The following TCF20 variants were observed in gnomAD, a reference collection of about 807,000 sequenced individuals.
TCF20 encodes SPRE-binding protein.
TCF20 carries 3 observed loss-of-function variants against 148.6 expected under a neutral mutation model. The observed-to-expected ratio is 0.02, with a 90% CI of 0.01 to 0.05. The LOEUF (loss-of-function observed/expected upper bound fraction) is 0.05. TCF20 is among the 10% of genes least tolerant of loss of function. The pLI, the probability that TCF20 is intolerant of heterozygous loss-of-function variation, is 1.00. For synonymous variants in TCF20, 1,049 were observed against 909.5 expected (o/e 1.15, Z -2.76); for missense variants, 2,350 against 2,429.3 (o/e 0.97, Z 0.69).
rs574582405 is a variant in TCF20 at position 42,299,986 on chromosome 22, G to A, written c.-37+43493C>T. Among the ~76,000 whole-genome samples, 11 of 151,180 alleles carry A rather than the reference G, an allele frequency of 7.3e-5. No individual in the cohort carries two copies. The highest frequency in any genetic ancestry group is 3.4e-3 in the Middle Eastern group (1 of 294). On this transcript the variant is annotated intron_variant, in intron 1 of 1. Transcript: ENST00000515426. The surrounding 1 kb of genome is among the most constrained non-coding windows in gnomAD (Gnocchi z 4.1). ...CGGGGAGGGGGAGGGGGAGGGGCGC[G>A]CTGAAATCACCCGCAACATCAAAGC...
chr22:42,281,515 T>C (rs1197744202), intron 1 of TCF20, among the ~76,000 whole-genome samples: 1 of 152,132 alleles, frequency 6.6e-6, no homozygotes, highest in Non-Finnish European at 1.5e-5. Context: ...GCAACCCGCC[T>C]CTTACACCTT....
At chr22:42,327,447 C>A (rs1927894767) in intron 1 of TCF20, among the ~76,000 whole-genome samples, 1 of 152,156 alleles carries the variant, frequency 6.6e-6, no homozygotes, top group Admixed American at 6.5e-5. Flanking sequence ...GGCCTCTCCA[C>A]CAACCTGCAG....
rs192390484 is a variant in TCF20 at position 42,328,723 on chromosome 22, G to C, written c.-37+14756C>G. On this transcript the variant is annotated intron_variant, in intron 1 of 1. Transcript: ENST00000515426. ...TGTGAAATGCTTAATCTAGGTGCTG[G>C]CACACGGTCAGGGCTCAGCACCCCT... 1.7e-3 allele frequency among the ~76,000 whole-genome samples: 260 copies of C among 152,338 alleles called. 1 individual carries two copies. The highest frequency in any genetic ancestry group is 5.9e-3 in the African/African-American group (246 of 41,568).
chr22:42,254,959 C>CAA lies in TCF20; in HGVS notation c.-37+15378_-37+15379dup, dbSNP rs10625678. 4.1e-3 allele frequency among the ~76,000 whole-genome samples: 259 copies of CAA among 62,796 alleles called. 16 individuals are homozygous for CAA. Among genetic ancestry groups the CAA allele is most frequent in the African/African-American group, 0.023 (240 of 10,448 alleles). 41.2% of individuals were successfully genotyped at this position (62,796 alleles called of 152,430 possible). On this transcript the variant is annotated intron_variant, in intron 1 of 5. Transcript: ENST00000677622. ...TGGGTGACACAGCAAGACTCCGTCT[C>CAA]AAAAAAAAAAAAAAAAAAAAGGTAG...
chr22:42,324,301 G>A (rs540245786), intron 1 of TCF20, among the ~76,000 whole-genome samples: 2 of 151,934 alleles, frequency 1.3e-5, no homozygotes, highest in African/African-American at 2.4e-5. Flanking sequence ...GAGGAGAGAC[G>A]AATAAACCAG....
At chr22:42,244,981 G>A (rs1924784954) in intron 1 of TCF20, among the ~76,000 whole-genome samples, 2 of 152,076 alleles carry the variant, frequency 1.3e-5, no homozygotes, top group African/African-American at 4.8e-5. Context: ...TACTGGGGTG[G>A]TTGAGGCACA....
Position 42,160,052 on chromosome 22 carries a change from ATT to A in TCF20, c.*1349_*1350del, listed in dbSNP as rs1021100144. ...AGTTTATTATTTTTTTGATTTTTTG[ATT>A]TTTTTTGTTTTTTGTTTTTTTAAAT... On this transcript the variant is annotated 3_prime_UTR_variant, in exon 6 of 6. Transcript: ENST00000677622. The A allele has an allele frequency of 6.6e-6, 1 of 152,276 alleles. No individual in the cohort carries two copies. The highest frequency in any genetic ancestry group is 2.4e-5 in the African/African-American group (1 of 41,328). 9.4% of individuals were successfully genotyped at this position (152,276 alleles called of 1,614,324 possible).
chr22:42,188,312 A>G (rs1937152162), intron 2 of TCF20, among the ~76,000 whole-genome samples: 1 of 146,140 alleles, frequency 6.8e-6, no homozygotes, highest in Admixed American at 6.9e-5. Flanking sequence ...AAAAAAAAAA[A>G]AAAAAAAATC....
intron 1 of TCF20, among the ~76,000 whole-genome samples, chr22:42,257,544 A>G (rs1925806414): frequency 6.6e-6 from 1 of 152,256 alleles, no homozygotes; most frequent in Non-Finnish European, 1.5e-5. Flanking sequence ...GCAGAGGCTC[A>G]GAGGCAAAAT....
At chr22:42,342,943 C>T (rs887476767) in intron 1 of TCF20, among the ~76,000 whole-genome samples, 8 of 152,194 alleles carry the variant, frequency 5.3e-5, no homozygotes, top group African/African-American at 1.2e-4. Context: ...AGGAGGGAAC[C>T]AGGGTCCAAC....
chr22:42,261,706 T>C (rs1366078975), intron 1 of TCF20, among the ~76,000 whole-genome samples: 1 of 152,052 alleles, frequency 6.6e-6, no homozygotes, highest in East Asian at 1.9e-4. Flanking sequence ...AAACAGTATA[T>C]AAAAAAGTTC....
At chr22:42,164,787 A>G (rs1015363155) in intron 5 of TCF20, among the ~76,000 whole-genome samples, 10 of 152,340 alleles carry the variant, frequency 6.6e-5, no homozygotes, top group African/African-American at 2.4e-4. Flanking sequence ...TTAAGCTGAG[A>G]CCCAGGAGAT....
At chr22:42,177,834 T>G (rs1936538262) in intron 3 of TCF20, among the ~76,000 whole-genome samples, 1 of 152,154 alleles carries the variant, frequency 6.6e-6, no homozygotes, top group African/African-American at 2.4e-5. Context: ...ATTTGGTTTT[T>G]GATCCTGGTT....
At chr22:42,161,972 C>CT (rs3045573) in intron 5 of TCF20, among the ~76,000 whole-genome samples, 4,056 of 74,684 alleles carry the variant, frequency 0.054, 941 homozygotes, top group African/African-American at 0.067. Context: ...TAATGACAGT[C>CT]TTTTTTTTTT....
intron 1 of TCF20, among the ~76,000 whole-genome samples, chr22:42,250,702 T>C (rs981950426): frequency 6.6e-6 from 1 of 152,162 alleles, no homozygotes; most frequent in African/African-American, 2.4e-5. Flanking sequence ...GCAAAATACA[T>C]TTGTTACTAT....
At chr22:42,334,957 C>T (rs1173515889) in intron 1 of TCF20, among the ~76,000 whole-genome samples, 1 of 152,150 alleles carries the variant, frequency 6.6e-6, no homozygotes, top group Non-Finnish European at 1.5e-5. Flanking sequence ...GGACCCAAGA[C>T]TCCACACCCC....
chr22:42,248,638 G>A (rs892083735), intron 1 of TCF20, among the ~76,000 whole-genome samples: 2 of 152,154 alleles, frequency 1.3e-5, no homozygotes, highest in Non-Finnish European at 2.9e-5. Flanking sequence ...AATCCTGAAT[G>A]TTAAAATCCC....
Position 42,338,469 on chromosome 22 carries a change from C to T in TCF20, c.-37+5010G>A, listed in dbSNP as rs373820707. Among the ~76,000 whole-genome samples, 14 of 152,344 alleles carry T rather than the reference C, an allele frequency of 9.2e-5. No homozygotes were observed. In the East Asian group the frequency reaches 2.5e-3, roughly 27 times the overall value. On this transcript the variant is annotated intron_variant, in intron 1 of 1. Coordinates refer to the TCF20 transcript ENST00000515426. The surrounding 1 kb of genome is among the most constrained non-coding windows in gnomAD (Gnocchi z 4.0). ...CAGAGCCCCGTCCCTCCCGGCAGCC[C>T]GGCCTGCAGGGGCCACTCGGCCAAT...
At chr22:42,309,591 C>A (rs374551536) in intron 1 of TCF20, among the ~76,000 whole-genome samples, 5 of 152,056 alleles carry the variant, frequency 3.3e-5, no homozygotes, top group African/African-American at 1.2e-4. Context: ...CTGCTGCACA[C>A]CCCAACCGTG....
Sources: gnomAD v4.1 joint callset for allele counts (sites outside exome capture counted in the v4.1 genomes callset) on GRCh38, gnomAD v4.1.1 for gene constraint, Gnocchi (gnomAD v3.1) non-coding constraint, MANE v1.5 for transcripts, NCBI Gene and HGNC (gene_info 2026-07-23, HGNC 2026-07-21) for gene names.